MIPOL1: variants seen among roughly 807,000 people sequenced by gnomAD.
The protein encoded by MIPOL1 is mirror-image polydactyly gene 1 protein.
MIPOL1 carries 57 observed loss-of-function variants against 60.9 expected under a neutral mutation model. That is an observed-to-expected ratio of 0.94 (90% CI 0.76 to 1.17). The LOEUF is 1.17. MIPOL1 is among the 50% of genes most tolerant of loss of function. The pLI is 0.00. For missense variants in MIPOL1, 551 were observed against 511.6 expected (o/e 1.08, Z -0.74); for synonymous variants, 179 against 168.8 (o/e 1.06, Z -0.47).
At chr14:37,525,562 T>C (rs555050468) in intron 12 of MIPOL1, among the ~76,000 whole-genome samples, 94 of 152,316 alleles carry the variant, frequency 6.2e-4, no homozygotes, top group African/African-American at 2.2e-3. Flanking sequence ...ATCAGATCCA[T>C]ATCCCTCACT....
intron 1 of MIPOL1, among the ~76,000 whole-genome samples, chr14:37,214,534 T>C (rs1157808875): frequency 1.3e-5 from 2 of 152,102 alleles, no homozygotes; most frequent in Non-Finnish European, 2.9e-5. Flanking sequence ...AATAAGAACA[T>C]TTATACTAGA....
At chr14:37,225,358 C>T (rs143017350) in intron 1 of MIPOL1, among the ~76,000 whole-genome samples, 9 of 152,296 alleles carry the variant, frequency 5.9e-5, no homozygotes, top group South Asian at 2.1e-4. Flanking sequence ...CCCACCCTGC[C>T]GCAAACTTCT....
chr14:37,410,803 G>A (rs567591897), intron 10 of MIPOL1, among the ~76,000 whole-genome samples: 4 of 151,992 alleles, frequency 2.6e-5, no homozygotes, highest in East Asian at 1.9e-4. Context: ...TGAGGTAACC[G>A]TTAAAAGAAT....
At chr14:37,252,751 C>G (rs1345093144) in intron 3 of MIPOL1, among the ~76,000 whole-genome samples, 1 of 151,832 alleles carries the variant, frequency 6.6e-6, no homozygotes, top group Non-Finnish European at 1.5e-5. Flanking sequence ...AAAACTATTC[C>G]ATGATTTGCA....
chr14:37,273,881 C>T (rs970773314), intron 6 of MIPOL1, among the ~76,000 whole-genome samples: 2 of 151,502 alleles, frequency 1.3e-5, no homozygotes, highest in Admixed American at 1.3e-4. Context: ...AACTAGTACT[C>T]AGTAAGTTGT....
intron 1 of MIPOL1, among the ~76,000 whole-genome samples, chr14:37,233,778 CT>C (rs1279099465): frequency 6.6e-6 from 1 of 152,182 alleles, no homozygotes; most frequent in Non-Finnish European, 1.5e-5. Flanking sequence ...CATTTTTCTG[CT>C]AAAGCTTTAG....
In MIPOL1 at chr14:37,332,470, T is replaced by G. The variant is rs138577282; in HGVS notation, c.828+23951T>G. Reference sequence around the variant, plus strand: ...TGACTCCCCAAAACCTAACTACTAATAGCCTACTGTTAACTGGAAGTCTTA... The same window carrying G: ...TGACTCCCCAAAACCTAACTACTAAGAGCCTACTGTTAACTGGAAGTCTTA... On this transcript the variant is annotated intron_variant, in intron 9 of 12. Transcript: ENST00000684589. 2.5e-3 allele frequency among the ~76,000 whole-genome samples: 375 copies of G among 152,300 alleles called. 1 individual carries two copies. The highest frequency in any genetic ancestry group is 8.5e-3 in the African/African-American group (352 of 41,580).
At chr14:37,208,438 C>T (rs1351470968) in intron 1 of MIPOL1, among the ~76,000 whole-genome samples, 1 of 152,010 alleles carries the variant, frequency 6.6e-6, no homozygotes, top group Non-Finnish European at 1.5e-5. Context: ...GAGAAATTAA[C>T]TTTTAGAAAA....
At chr14:37,474,372 G>A (rs562057384) in intron 11 of MIPOL1, among the ~76,000 whole-genome samples, 7 of 152,262 alleles carry the variant, frequency 4.6e-5, no homozygotes, top group South Asian at 2.1e-4. Flanking sequence ...CCCATGTGTC[G>A]TGGGAGGGGA....
At chr14:37,524,202 A>G (rs892512117) in intron 12 of MIPOL1, among the ~76,000 whole-genome samples, 3 of 152,174 alleles carry the variant, frequency 2.0e-5, no homozygotes, top group Non-Finnish European at 2.9e-5. Flanking sequence ...ACTGACTGCT[A>G]TGTGGAAGAT....
intron 12 of MIPOL1, among the ~76,000 whole-genome samples, chr14:37,520,083 A>G (rs1029984602): frequency 6.6e-6 from 1 of 152,168 alleles, no homozygotes; most frequent in Non-Finnish European, 1.5e-5. Flanking sequence ...TATGGTTTTT[A>G]TGAATCATGG....
chr14:37,492,257 A>G (rs1327150600), intron 11 of MIPOL1, among the ~76,000 whole-genome samples: 5 of 152,218 alleles, frequency 3.3e-5, no homozygotes, highest in Non-Finnish European at 7.3e-5. Flanking sequence ...ACATACTTCT[A>G]CATTTCATAT....
chr14:37,210,010 G>A (rs1350074321), intron 1 of MIPOL1, among the ~76,000 whole-genome samples: 2 of 152,004 alleles, frequency 1.3e-5, no homozygotes, highest in Non-Finnish European at 2.9e-5. Flanking sequence ...CACCCTGCCA[G>A]ATGGATATGC....
At position 37,547,356 on chromosome 14, in the gene MIPOL1, A is replaced by G. The variant is rs148622717; in HGVS notation, c.*385A>G. 23 of 176,282 alleles carry G rather than the reference A, an allele frequency of 1.3e-4. No homozygotes were observed. In the East Asian group the frequency reaches 3.5e-3, roughly 27 times the overall value. The allele number at this position is 176,282 out of a possible 1,614,324, so 10.9% of individuals were successfully genotyped here. On this transcript the variant is annotated 3_prime_UTR_variant, in exon 13 of 13. Coordinates refer to ENST00000684589, the MANE Select transcript of MIPOL1 (RefSeq NM_001388067.1). The stretch of plus-strand genomic sequence containing the variant: ...TGAATCAAAGTGCGGCAAAGTAAAT[A>G]TTGTCTAAGCTTTAATCCACTGTGT...
At chr14:37,501,341 A>ACAGACAAAAGCCAAACT (rs2095212782) in intron 12 of MIPOL1, among the ~76,000 whole-genome samples, 1 of 152,176 alleles carries the variant, frequency 6.6e-6, no homozygotes, top group Non-Finnish European at 1.5e-5. Flanking sequence ...TTTTGACAGG[A>ACAGACAAAAGCCAAACT]TCTGATTTGG....
Position 37,417,899 on chromosome 14 carries a change from C to A in MIPOL1, c.937-4956C>A, listed in dbSNP as rs558921912. On this transcript the variant is annotated intron_variant, in intron 10 of 12. Transcript: ENST00000684589. Reference sequence around the variant, plus strand: ...ATACTTGTTAGTTCCAACTTTCTTTCTAACCATCTATGAAACCTTGGACAA... The same window carrying A: ...ATACTTGTTAGTTCCAACTTTCTTTATAACCATCTATGAAACCTTGGACAA... Among the ~76,000 whole-genome samples the A allele has an allele frequency of 1.8e-3, 273 of 152,240 alleles. 1 individual carries two copies. The highest frequency in any genetic ancestry group is 3.4e-3 in the Middle Eastern group (1 of 292).
chr14:37,423,315 A>G (rs1037176474), intron 11 of MIPOL1, among the ~76,000 whole-genome samples: 5 of 149,544 alleles, frequency 3.3e-5, no homozygotes, highest in African/African-American at 1.2e-4. Flanking sequence ...TATAAATGTA[A>G]TATATATTTA....
chr14:37,543,951 G>T (rs796601124), intron 12 of MIPOL1, among the ~76,000 whole-genome samples: 12 of 152,316 alleles, frequency 7.9e-5, no homozygotes, highest in African/African-American at 2.9e-4. Context: ...GTGAGTGAAT[G>T]GATGGCAACA....
At chr14:37,299,853 T>C (rs570225094) in intron 7 of MIPOL1, among the ~76,000 whole-genome samples, 1 of 152,182 alleles carries the variant, frequency 6.6e-6, no homozygotes, top group Admixed American at 6.6e-5. Flanking sequence ...TTGGATTTAG[T>C]TTGTATGTCT....
Sources: allele counts gnomAD v4.1 joint callset (sites outside exome capture counted in the v4.1 genomes callset), GRCh38; gene constraint gnomAD v4.1.1; transcripts MANE v1.5; gene names NCBI Gene and HGNC (gene_info 2026-07-23, HGNC 2026-07-21).